The following RAB43 variants were observed in gnomAD, a reference collection of about 807,000 sequenced individuals.
RAB43 encodes RAB43, member RAS oncogene family.
A neutral mutation model predicts 18.8 loss-of-function variants in RAB43; 6 were observed. The ratio of observed to expected loss-of-function variants is 0.32; its 90% CI spans 0.17 to 0.63. The LOEUF (loss-of-function observed/expected upper bound fraction) is 0.63. Among genes scored for constraint, RAB43 ranks in the 30% least tolerant of loss-of-function variants. The pLI is 0.79. For missense variants in RAB43, 195 were observed against 289.1 expected, an observed-to-expected ratio of 0.67 and a Z score of 2.36; for synonymous variants, 103 against 124.1, an observed-to-expected ratio of 0.83 and a Z score of 1.13.
At chr3:129,097,819 T>G (rs920943526) in intron 1 of RAB43, among the ~76,000 whole-genome samples, 6 of 151,990 alleles carry the variant, frequency 3.9e-5, no homozygotes, top group African/African-American at 1.5e-4. Context: ...GTTTTTGGAA[T>G]GTAGATAACA....
chr3:129,116,959 G>A (rs1318109452), intron 1 of RAB43, among the ~76,000 whole-genome samples: 2 of 143,782 alleles, frequency 1.4e-5, no homozygotes, highest in African/African-American at 5.5e-5. Context: ...GAGGAGGGAG[G>A]GGTGGGGGAG....
intron 2 of RAB43, among the ~76,000 whole-genome samples, chr3:129,094,262 C>T (rs752877755): frequency 6.6e-6 from 1 of 152,044 alleles, no homozygotes; most frequent in South Asian, 2.1e-4. Context: ...GCTCTGTGTG[C>T]GGCACAACAG....
intron 1 of RAB43, among the ~76,000 whole-genome samples, chr3:129,103,395 T>C (rs1393022011): frequency 6.6e-6 from 1 of 152,122 alleles, no homozygotes; most frequent in Admixed American, 6.5e-5. Flanking sequence ...ATCTTGTAAC[T>C]CCTCTGCCGT....
At chr3:129,092,058 T>TAAAAAAAAAAAAAAAAAAAAAAACAAAAA (rs1012657876) in intron 2 of RAB43, among the ~76,000 whole-genome samples, 1 of 59,618 alleles carries the variant, frequency 1.7e-5, no homozygotes, top group Non-Finnish European at 3.5e-5. Context: ...AACTCCGTCA[T>TAAAAAAAAAAAAAAAAAAAAAAACAAAAA]AAAAAAAAAA....
chr3:129,090,144 CTTT>C lies in RAB43; in HGVS notation c.*949_*951del, dbSNP rs763478631. 6 of 151,894 alleles carry C rather than the reference CTTT, an allele frequency of 4.0e-5. No individual in the cohort carries two copies. Among genetic ancestry groups the C allele is most frequent in the Non-Finnish European group, 5.9e-5 (4 of 68,010 alleles). The allele number at this position is 151,894 out of a possible 1,614,324, so 9.4% of individuals were successfully genotyped here. A position where few individuals can be genotyped will look rare whatever the true frequency, so the allele number is the denominator to read the frequency against. On this transcript the variant is annotated 3_prime_UTR_variant, in exon 3 of 3. Transcript: ENST00000315150. ...AGGCCAAGGACCGCCAGGGCCTCTC[CTTT>C]TTTGTCTGGGAGACTCGATTCCATA...
At chr3:129,118,354 T>C (rs538238073) in intron 1 of RAB43, among the ~76,000 whole-genome samples, 5 of 152,366 alleles carry the variant, frequency 3.3e-5, no homozygotes, top group African/African-American at 4.8e-5. Flanking sequence ...AAATCTGTGA[T>C]TCTCAAATGT....
intron 1 of RAB43, among the ~76,000 whole-genome samples, chr3:129,109,459 G>A (rs1055340682): frequency 7.9e-5 from 12 of 151,460 alleles, no homozygotes; most frequent in East Asian, 7.8e-4. Context: ...AGGTGTTGCC[G>A]GATGTAGTAG....
At chr3:129,105,115 A>C (rs947410688) in intron 1 of RAB43, among the ~76,000 whole-genome samples, 9 of 152,180 alleles carry the variant, frequency 5.9e-5, no homozygotes, top group Non-Finnish European at 1.2e-4. Flanking sequence ...CCCGCTGGCT[A>C]TCAGAAAAGG....
Position 129,107,415 on chromosome 3 carries a change from G to A in RAB43, c.205-12246C>T, listed in dbSNP as rs1220714722. ...CTGCTTGCCAAGTGCCACCTCTTCCGGGTATTCCTCTTCCTCGCAGGAAGC... is the reference window on the plus strand; with the variant it reads ...CTGCTTGCCAAGTGCCACCTCTTCCAGGTATTCCTCTTCCTCGCAGGAAGC... On this transcript the variant is annotated intron_variant, in intron 1 of 2. Coordinates refer to ENST00000315150, the MANE Select transcript of RAB43 (RefSeq NM_198490.3). This position sits in a 1 kb window ranked among gnomAD's most constrained non-coding sequence, Gnocchi z 4.2. 2.0e-5 allele frequency among the ~76,000 whole-genome samples: 3 copies of A among 152,000 alleles called. No individual in the cohort carries two copies. The highest frequency in any genetic ancestry group is 2.9e-5 in the Non-Finnish European group (2 of 68,002).
At chr3:129,120,877 G>T (rs970964374) in intron 1 of RAB43, among the ~76,000 whole-genome samples, 13 of 152,208 alleles carry the variant, frequency 8.5e-5, no homozygotes, top group Middle Eastern at 3.2e-3. Context: ...CCGCCGGTGG[G>T]CTGAGCTGGG....
Position 129,121,378 on chromosome 3 carries a change from A to G in RAB43, c.112T>C (p.Phe38Leu), listed in dbSNP as rs1286379644. 3.1e-6 allele frequency: 5 copies of G among 1,612,260 alleles called. No individual in the cohort carries two copies. The highest frequency in any genetic ancestry group is 2.5e-6 in the Non-Finnish European group (3 of 1,179,286). ...CGCTCCGAGAAGGCGCCGGTCTTGA[A>G]GCGCTGCACCACGCACGTCTTGCCC... ...SVGKTCVVQRFKTGAFSERQG... is the reference protein window; with the variant it reads ...SVGKTCVVQRLKTGAFSERQG... The change falls in exon 1 of 3, where the codon TTC (phenylalanine) becomes CTC (leucine). Residue 38 changes from phenylalanine (F) to leucine (L), a missense_variant. Phe to Leu is a conservative substitution (Grantham distance 22). Coordinates refer to ENST00000315150, the MANE Select transcript of RAB43 (RefSeq NM_198490.3).
At chr3:129,111,011 G>A (rs1935133268) in intron 1 of RAB43, among the ~76,000 whole-genome samples, 1 of 151,892 alleles carries the variant, frequency 6.6e-6, no homozygotes, top group Non-Finnish European at 1.5e-5. Flanking sequence ...TACCACAAAT[G>A]CACAGCAAAC....
intron 1 of RAB43, among the ~76,000 whole-genome samples, chr3:129,105,019 C>G (rs1015382452): frequency 6.6e-6 from 1 of 152,154 alleles, no homozygotes; most frequent in Admixed American, 6.5e-5. Flanking sequence ...AATGGGTTAT[C>G]CATCTAAGTC....
At chr3:129,099,461 A>G (rs1484758660) in intron 1 of RAB43, among the ~76,000 whole-genome samples, 1 of 151,682 alleles carries the variant, frequency 6.6e-6, no homozygotes, top group African/African-American at 2.4e-5. Flanking sequence ...ATCTTCGCTC[A>G]CCGCAACCTC....
At chr3:129,116,473 C>T (rs78258628) in intron 1 of RAB43, among the ~76,000 whole-genome samples, 3,853 of 152,276 alleles carry the variant, frequency 0.025, 110 homozygotes, top group South Asian at 0.095. Flanking sequence ...AAACTTTATC[C>T]AAATAGGAAA....
At chr3:129,112,886 G>A (rs942786370) in intron 1 of RAB43, among the ~76,000 whole-genome samples, 11 of 151,766 alleles carry the variant, frequency 7.2e-5, no homozygotes, top group Non-Finnish European at 1.5e-5. Flanking sequence ...CAGTAGCTGG[G>A]ACTACAGACA....
intron 2 of RAB43, among the ~76,000 whole-genome samples, chr3:129,091,863 C>G (rs1933682918): frequency 6.6e-6 from 1 of 151,640 alleles, no homozygotes; most frequent in Admixed American, 6.6e-5. Context: ...GTTGGAAGTT[C>G]AAGACCAGCC....
At chr3:129,113,757 A>G (rs544141605) in intron 1 of RAB43, among the ~76,000 whole-genome samples, 1 of 152,248 alleles carries the variant, frequency 6.6e-6, no homozygotes, top group South Asian at 2.1e-4. Flanking sequence ...GGCCAGGCGC[A>G]GTGGCTCACG....
chr3:129,091,182 C>A lies in RAB43; in HGVS notation c.553G>T (p.Gly185Trp). The A allele has an allele frequency of 1.9e-6, 3 of 1,575,640 alleles. No homozygotes were observed. The highest frequency in any genetic ancestry group is 1.1e-5 in the South Asian group (1 of 88,240). Reference sequence around the variant, plus strand: ...CTCTTCTCGCTGAACAAGGGGCCCCCGTGCCGCATGATGAGCTCCGTGGCC... The same window carrying A: ...CTCTTCTCGCTGAACAAGGGGCCCCAGTGCCGCATGATGAGCTCCGTGGCC... ...RVATELIMRH[G>W]GPLFSEKSPD... The change falls in exon 3 of 3, where the codon GGG becomes TGG. Residue 185 changes from glycine (G) to tryptophan (W), a missense_variant. Physicochemically the swap from Gly to Trp is radical, Grantham distance 184 (BLOSUM62 -2). Coordinates refer to ENST00000315150, the MANE Select transcript of RAB43 (RefSeq NM_198490.3).
Sources: allele counts gnomAD v4.1 joint callset (sites outside exome capture counted in the v4.1 genomes callset), GRCh38; gene constraint gnomAD v4.1.1; non-coding constraint Gnocchi (gnomAD v3.1); transcripts MANE v1.5; gene names NCBI Gene and HGNC (gene_info 2026-07-23, HGNC 2026-07-21).